ADORA1: variants seen among roughly 807,000 people sequenced by gnomAD.
The protein encoded by ADORA1 is adenosine A1 receptor, also known as adenosine receptor A1.
ADORA1 carries 6 observed loss-of-function variants against 19.9 expected under a neutral mutation model. The observed-to-expected ratio is 0.30, with a 90% confidence interval of 0.17 to 0.59. The LOEUF is 0.59. Ranked by LOEUF, ADORA1 falls within the 20% of genes least tolerant of loss-of-function variation. The pLI, the probability that ADORA1 is intolerant of heterozygous loss-of-function variation, is 0.87. For synonymous variants in ADORA1, 194 were observed against 188.4 expected, an observed-to-expected ratio of 1.03 and a Z score of -0.24; for missense variants, 302 against 439.2, an observed-to-expected ratio of 0.69 and a Z score of 2.79.
chr1:203,133,714 G>A (rs1654416229), intron 3 of ADORA1, among the ~76,000 whole-genome samples: 3 of 152,364 alleles, frequency 2.0e-5, no homozygotes, highest in South Asian at 2.1e-4. Context: ...GGGCAGTTGA[G>A]CCCTTGGCAG....
chr1:203,142,331 G>A (rs761457345), intron 3 of ADORA1, among the ~76,000 whole-genome samples: 8 of 152,156 alleles, frequency 5.3e-5, no homozygotes, highest in African/African-American at 1.7e-4. Flanking sequence ...CAACTCTCCT[G>A]CCCATCGTAA....
Position 203,165,973 on chromosome 1 carries a change from G to A in ADORA1, c.*73G>A, listed in dbSNP as rs200606043. ...CAGTCCTCACATGCCCGCTGTCCCA[G>A]GGGTCTCCCTGAGCCTGCCCCAGCT... On this transcript the variant is annotated 3_prime_UTR_variant, in exon 4 of 4. Coordinates refer to ENST00000337894, the MANE Select transcript of ADORA1 (RefSeq NM_000674.3). The surrounding 1 kb of genome is among the most constrained non-coding windows in gnomAD (Gnocchi z 5.9). 5.4e-6 allele frequency: 8 copies of A among 1,487,712 alleles called. No individual in the cohort carries two copies. The African/African-American group carries it at 9.8e-5, about 18-fold the overall frequency. The allele number at this position is 1,487,712 out of a possible 1,614,324, so 92.2% of individuals were successfully genotyped here.
intron 3 of ADORA1, among the ~76,000 whole-genome samples, chr1:203,154,851 G>A (rs1267701324): frequency 6.6e-6 from 1 of 152,108 alleles, no homozygotes; most frequent in Non-Finnish European, 1.5e-5. Context: ...AGTGGTGGCT[G>A]GCTTCTTTGC....
At position 203,137,425 on chromosome 1, in the gene ADORA1, C is replaced by T. The variant is rs1654545687; in HGVS notation, c.341+8243C>T. 2.6e-5 allele frequency among the ~76,000 whole-genome samples: 4 copies of T among 152,148 alleles called. No individual in the cohort carries two copies. The South Asian group carries it at 8.3e-4, about 32-fold the overall frequency. On this transcript the variant is annotated intron_variant, in intron 3 of 3. Transcript: ENST00000337894. ...TTTTACTCTGAGGGAAATGGTGAGC[C>T]ATTGCAGGATTTAGAGCAGAGATGT...
At position 203,165,156 on chromosome 1, in the gene ADORA1, G is replaced by C. The variant is rs1459385416; in HGVS notation, c.342-105G>C. ...TCCCCACTCACCGGGCCCTGGAAGA[G>C]GAGGGTGCTCCTCTTAGAGGCCCCT... On this transcript the variant is annotated intron_variant, in intron 3 of 3. Coordinates refer to ENST00000337894, the MANE Select transcript of ADORA1 (RefSeq NM_000674.3). This position sits in a 1 kb window ranked among gnomAD's most constrained non-coding sequence, Gnocchi z 5.9. 4.4e-6 allele frequency: 7 copies of C among 1,583,580 alleles called. No homozygotes were observed. Among genetic ancestry groups the C allele is most frequent in the Non-Finnish European group, 6.0e-6 (7 of 1,165,508 alleles).
At chr1:203,141,674 G>A (rs995809628) in intron 3 of ADORA1, among the ~76,000 whole-genome samples, 6 of 136,962 alleles carry the variant, frequency 4.4e-5, no homozygotes, top group African/African-American at 1.4e-4. Flanking sequence ...TCTGCCTCCC[G>A]GGTTCAAGTG....
intron 3 of ADORA1, among the ~76,000 whole-genome samples, chr1:203,148,521 GCTGTCACAGTGTTTTGC>G (rs1481542895): frequency 1.3e-5 from 2 of 152,228 alleles, no homozygotes; most frequent in African/African-American, 2.4e-5. Flanking sequence ...GTCCTCTAAT[GCTGTCACAGTGTTTTGC>G]CTGTCACAGT....
intron 3 of ADORA1, among the ~76,000 whole-genome samples, chr1:203,144,214 A>T (rs1654791211): frequency 6.6e-6 from 1 of 151,940 alleles, no homozygotes; most frequent in Admixed American, 6.6e-5. Flanking sequence ...TTTTGCCTGC[A>T]TGTTCCCACA....
chr1:203,128,704 G>A lies in ADORA1; in HGVS notation c.-57-81G>A. ...TGTGACAAGTGGGACACATCACAGG[G>A]TACCTGGAGTTCCAGGGCAGCCTGA... On this transcript the variant is annotated intron_variant, in intron 2 of 3. Transcript: ENST00000337894. This position sits in a 1 kb window ranked among gnomAD's most constrained non-coding sequence, Gnocchi z 5.9. The A allele has an allele frequency of 2.8e-6, 4 of 1,453,530 alleles. No individual in the cohort carries two copies. The South Asian group carries it at 5.5e-5, about 20-fold the overall frequency. The allele number at this position is 1,453,530 out of a possible 1,614,324, so 90.0% of individuals were successfully genotyped here.
intron 3 of ADORA1, among the ~76,000 whole-genome samples, chr1:203,142,288 T>G (rs2102745318): frequency 6.6e-6 from 1 of 152,336 alleles, no homozygotes; most frequent in Middle Eastern, 3.4e-3. Context: ...CAAAATGATT[T>G]GCTTGCACTA....
At chr1:203,162,162 C>T (rs12064740) in intron 3 of ADORA1, among the ~76,000 whole-genome samples, 1 of 152,178 alleles carries the variant, frequency 6.6e-6, no homozygotes, top group Non-Finnish European at 1.5e-5. Context: ...GATAGGTGAG[C>T]TTCTCTCCTG....
At chr1:203,131,634 G>A (rs998221527) in intron 3 of ADORA1, among the ~76,000 whole-genome samples, 2 of 152,190 alleles carry the variant, frequency 1.3e-5, no homozygotes, top group Non-Finnish European at 2.9e-5. Flanking sequence ...CACCAGCAGT[G>A]CCTGGGAGTG....
chr1:203,152,517 T>A (rs941202989), intron 3 of ADORA1: 1 of 152,334 alleles, frequency 6.6e-6, no homozygotes, highest in Non-Finnish European at 1.5e-5. Flanking sequence ...ACCCTGGCCA[T>A]CCCAGTGAGG....
intron 3 of ADORA1, among the ~76,000 whole-genome samples, chr1:203,133,773 C>T (rs967947531): frequency 1.3e-5 from 2 of 152,238 alleles, no homozygotes; most frequent in African/African-American, 4.8e-5. Context: ...GGCTGCTGAC[C>T]CGGGGAACCA....
intron 3 of ADORA1, among the ~76,000 whole-genome samples, chr1:203,140,361 G>A (rs555645249): frequency 5.9e-5 from 9 of 152,348 alleles, no homozygotes; most frequent in African/African-American, 1.9e-4. Context: ...GAGGTGCAAC[G>A]TGGGAGAAGG....
At chr1:203,159,153 G>A (rs1184533403) in intron 3 of ADORA1, among the ~76,000 whole-genome samples, 1 of 152,076 alleles carries the variant, frequency 6.6e-6, no homozygotes, top group Non-Finnish European at 1.5e-5. Context: ...TTCCCATGCC[G>A]CCAGCTACAG....
chr1:203,164,439 G>A (rs1012268937), intron 3 of ADORA1, among the ~76,000 whole-genome samples: 2 of 152,222 alleles, frequency 1.3e-5, no homozygotes, highest in Admixed American at 6.5e-5. Flanking sequence ...ATGCGTAAAT[G>A]CATGAATGAA....
rs1340660907 is a variant in ADORA1, at chr1:203,165,634, A to G, written c.715A>G (p.Ile239Val). The G allele has an allele frequency of 6.2e-7, 1 of 1,611,756 alleles. No individual in the cohort carries two copies. Among genetic ancestry groups the G allele is most frequent in the Non-Finnish European group, 8.5e-7 (1 of 1,178,264 alleles). The change falls in exon 4 of 4, where the codon ATC (isoleucine) becomes GTC (valine). Residue 239 changes from isoleucine (I) to valine (V), a missense_variant. Physicochemically the swap from Ile to Val is conservative, Grantham distance 29. Coordinates refer to ENST00000337894, the MANE Select transcript of ADORA1 (RefSeq NM_000674.3). This position sits in a 1 kb window ranked among gnomAD's most constrained non-coding sequence, Gnocchi z 5.9. ...ELKIAKSLAL[I>V]LFLFALSWLP... ...GAAGATCGCCAAGTCGCTGGCCCTC[A>G]TCCTCTTCCTCTTTGCCCTCAGCTG...
chr1:203,166,239 A>G lies in ADORA1; in HGVS notation c.*339A>G. ...GGTCCTGGGGAGGCTGAGACTGCAG[A>G]GGAGCCACCTGGGCTGGGAGAAGGT... is the stretch of plus-strand genomic sequence containing the variant. On this transcript the variant is annotated 3_prime_UTR_variant, in exon 4 of 4. Coordinates refer to ENST00000337894, the MANE Select transcript of ADORA1 (RefSeq NM_000674.3). 1 of 231,132 alleles carries G rather than the reference A, an allele frequency of 4.3e-6. No homozygotes were observed. The allele number at this position is 231,132 out of a possible 1,614,324, so 14.3% of individuals were successfully genotyped here.
Sources: gnomAD v4.1 joint callset for allele counts (sites outside exome capture counted in the v4.1 genomes callset) on GRCh38, gnomAD v4.1.1 for gene constraint, Gnocchi (gnomAD v3.1) non-coding constraint, MANE v1.5 for transcripts, NCBI Gene and HGNC (gene_info 2026-07-23, HGNC 2026-07-21) for gene names.